The following PDE1A variants were observed in gnomAD, a reference collection of about 807,000 sequenced individuals.
PDE1A encodes the protein phosphodiesterase 1A, also known as dual specificity calcium/calmodulin-dependent 3',5'-cyclic nucleotide phosphodiesterase 1A.
PDE1A carries 35 observed loss-of-function variants against 61.7 expected under a neutral mutation model. The ratio of observed to expected loss-of-function variants is 0.57; its 90% CI spans 0.43 to 0.75. PDE1A has a LOEUF of 0.75. Ranked by LOEUF, PDE1A falls within the 30% of genes least tolerant of loss-of-function variation. The probability of loss-of-function intolerance (pLI) is 0.00; values close to 1 mark genes in which losing one functional copy is unlikely to be tolerated. For synonymous variants in PDE1A, 232 were observed against 213.2 expected (o/e 1.09, Z -0.77); for missense variants, 597 against 630.6 (o/e 0.95, Z 0.57).
At chr2:182,424,424 AG>A in intron 1 of PDE1A, among the ~76,000 whole-genome samples, 1 of 152,342 alleles carries the variant, frequency 6.6e-6, no homozygotes, top group Non-Finnish European at 1.5e-5. Flanking sequence ...AGTGGGGTGC[AG>A]TTACAAGTAC....
intron 1 of PDE1A, among the ~76,000 whole-genome samples, chr2:182,341,851 G>T (rs1167163534): frequency 6.6e-6 from 1 of 152,012 alleles, no homozygotes; most frequent in Non-Finnish European, 1.5e-5. Flanking sequence ...TCAAACCTCT[G>T]GGCTTAAACA....
chr2:182,529,585 C>A, the PDE1A span, among the ~76,000 whole-genome samples: 4 of 152,204 alleles, frequency 2.6e-5, no homozygotes, highest in South Asian at 2.1e-4. Flanking sequence ...AAAAGTGAGA[C>A]CACGAGGTTT....
chr2:182,420,795 A>G (rs1461054486), intron 1 of PDE1A, among the ~76,000 whole-genome samples: 1 of 152,220 alleles, frequency 6.6e-6, no homozygotes, highest in East Asian at 1.9e-4. Context: ...TAAATCTGGA[A>G]GTATTATCAT....
At chr2:182,357,219 T>C (rs1207220238) in intron 1 of PDE1A, among the ~76,000 whole-genome samples, 4 of 150,304 alleles carry the variant, frequency 2.7e-5, no homozygotes, top group Non-Finnish European at 4.4e-5. Context: ...GAAAAGTGAT[T>C]CTTAAAAAAT....
intron 10 of PDE1A, among the ~76,000 whole-genome samples, chr2:182,192,440 G>T (rs928902477): frequency 1.1e-4 from 16 of 151,890 alleles, no homozygotes; most frequent in African/African-American, 3.9e-4. Flanking sequence ...GATTAGTAGG[G>T]GGCCCTGTAG....
intron 1 of PDE1A, among the ~76,000 whole-genome samples, chr2:182,363,416 T>G (rs1699628944): frequency 6.6e-6 from 1 of 151,946 alleles, no homozygotes; most frequent in African/African-American, 2.4e-5. Context: ...CAAGTGTTAT[T>G]GAAAAAAAAT....
intron 1 of PDE1A, among the ~76,000 whole-genome samples, chr2:182,410,177 C>G (rs1294428917): frequency 6.6e-6 from 1 of 151,928 alleles, no homozygotes; most frequent in East Asian, 1.9e-4. Flanking sequence ...CATAGTGGGA[C>G]CCTGTTTCTA....
the PDE1A span, among the ~76,000 whole-genome samples, chr2:182,667,056 T>A: frequency 6.6e-6 from 1 of 152,150 alleles, no homozygotes; most frequent in Non-Finnish European, 1.5e-5. Context: ...TCCCCTTGAA[T>A]CAGGGGGTTC....
intron 1 of PDE1A, among the ~76,000 whole-genome samples, chr2:182,308,313 T>G (rs1695736206): frequency 6.6e-6 from 1 of 152,180 alleles, no homozygotes. Context: ...AAATTGCTTT[T>G]ATTTAACTCC....
intron 2 of PDE1A, among the ~76,000 whole-genome samples, chr2:182,477,906 T>TGGG (rs1687471473): frequency 6.6e-6 from 1 of 151,938 alleles, no homozygotes; most frequent in South Asian, 2.1e-4. Flanking sequence ...TGTGGAGGAC[T>TGGG]GGGGGATCTT....
At chr2:182,627,442 A>AT in the PDE1A span, among the ~76,000 whole-genome samples, 1 of 135,760 alleles carries the variant, frequency 7.4e-6, no homozygotes, top group Non-Finnish European at 1.5e-5. Context: ...ATATATATAT[A>AT]AAATCTCTTT....
At chr2:182,205,807 G>T in intron 8 of PDE1A, 133 bp downstream of exon 8, 1 of 725,968 alleles carries the variant, frequency 1.4e-6, no homozygotes. Flanking sequence ...CCTTCTCAGA[G>T]TCATCCAGTC....
exon 1 of PDE1A, chr2:182,426,864 G>A (rs1703656260): frequency 3.8e-6 from 5 of 1,318,528 alleles, no homozygotes; most frequent in East Asian, 3.0e-5. Context: ...AGAGCAGGGT[G>A]TGCAAAAACC....
At chr2:182,440,928 G>A (rs774868396) in intron 2 of PDE1A, among the ~76,000 whole-genome samples, 2 of 151,768 alleles carry the variant, frequency 1.3e-5, no homozygotes, top group Non-Finnish European at 2.9e-5. Flanking sequence ...CCCTTACCAC[G>A]AAAATTTTTT....
chr2:182,559,226 GA>G, the PDE1A span, among the ~76,000 whole-genome samples: 1 of 152,140 alleles, frequency 6.6e-6, no homozygotes, highest in Non-Finnish European at 1.5e-5. Context: ...AGTTAACTTT[GA>G]AAAGAAGTAA....
chr2:182,212,185 G>T (rs1687665613), intron 7 of PDE1A, among the ~76,000 whole-genome samples: 1 of 108,074 alleles, frequency 9.3e-6, no homozygotes, highest in Non-Finnish European at 1.9e-5. Context: ...CTTTTTAATT[G>T]ACAATTAAAA....
chr2:182,693,006 C>T, the PDE1A span, among the ~76,000 whole-genome samples: 1 of 152,066 alleles, frequency 6.6e-6, no homozygotes, highest in East Asian at 1.9e-4. Context: ...GGCATGATGG[C>T]TTGAGCCCAC....
intron 1 of PDE1A, among the ~76,000 whole-genome samples, chr2:182,340,054 T>G (rs1479069039): frequency 1.3e-5 from 2 of 152,126 alleles, no homozygotes; most frequent in Non-Finnish European, 2.9e-5. Flanking sequence ...AAATGCAACT[T>G]TCATTAAAGA....
chr2:182,264,140 T>A (rs1692431462), intron 2 of PDE1A, among the ~76,000 whole-genome samples, 161 bp downstream of exon 2: 1 of 152,170 alleles, frequency 6.6e-6, no homozygotes, highest in African/African-American at 2.4e-5. Context: ...GTCCAGTTAA[T>A]TAGCTACATG....
Sources: gnomAD v4.1 joint callset for allele counts (sites outside exome capture counted in the v4.1 genomes callset) on GRCh38, gnomAD v4.1.1 for gene constraint, MANE v1.5 for transcripts, NCBI Gene and HGNC (gene_info 2026-07-23, HGNC 2026-07-21) for gene names.